PCDH15: variants seen among roughly 807,000 people sequenced by gnomAD.
PCDH15 encodes protocadherin related 15, also known as protocadherin-15.
A neutral mutation model predicts 178.5 loss-of-function variants in PCDH15; 129 were observed. That is an observed-to-expected ratio of 0.72 (90% CI 0.63 to 0.84). PCDH15 has a LOEUF of 0.84. Ranked by LOEUF, PCDH15 falls within the 40% of genes least tolerant of loss-of-function variation. The pLI, the probability that PCDH15 is intolerant of heterozygous loss-of-function variation, is 0.00. For missense variants in PCDH15, 2,230 were observed against 2,099.9 expected, an observed-to-expected ratio of 1.06 and a Z score of -1.21; for synonymous variants, 800 against 732.0, an observed-to-expected ratio of 1.09 and a Z score of -1.50.
chr10:54,423,737 G>A (rs1478808689), intron 3 of PCDH15, among the ~76,000 whole-genome samples: 2 of 151,854 alleles, frequency 1.3e-5, no homozygotes, highest in Non-Finnish European at 2.9e-5. Context: ...TGGGAAAAAA[G>A]TTTGAGAGAC....
intron 1 of PCDH15, among the ~76,000 whole-genome samples, chr10:55,233,085 A>G (rs1022435658): frequency 1.3e-5 from 2 of 152,036 alleles, no homozygotes; most frequent in African/African-American, 4.8e-5. Context: ...AATTTTCTTT[A>G]CATTAAAATG....
chr10:54,317,975 C>T (rs2061381881), intron 7 of PCDH15, among the ~76,000 whole-genome samples: 1 of 152,174 alleles, frequency 6.6e-6, no homozygotes, highest in Non-Finnish European at 1.5e-5. Flanking sequence ...CTTTACCTAA[C>T]AGTTCACATT....
chr10:55,246,642 C>T (rs2044319), intron 1 of PCDH15, among the ~76,000 whole-genome samples: 7 of 151,996 alleles, frequency 4.6e-5, no homozygotes, highest in South Asian at 2.1e-4. Context: ...CAACAAGGTA[C>T]GCAAGCCACT....
At chr10:54,527,492 T>C (rs988597857) in intron 3 of PCDH15, among the ~76,000 whole-genome samples, 1 of 152,144 alleles carries the variant, frequency 6.6e-6, no homozygotes, top group African/African-American at 2.4e-5. Flanking sequence ...ATACGTTGTG[T>C]TTCTGTTAGA....
rs779268739 is a variant in PCDH15 at position 54,079,366 on chromosome 10, G to A, written c.2056C>T (p.Leu686=). The part of the protein sequence containing the change: ...LDRESTDRYI[L]IITASDGRPD... ...CTGCCATCTGAAGCTGTGATGATCAGAATGTAGCGATCAGTGCTTTCCCTG... is the reference window on the plus strand; with the variant it reads ...CTGCCATCTGAAGCTGTGATGATCAAAATGTAGCGATCAGTGCTTTCCCTG... Residue 686 remains leucine (L), a synonymous_variant, in exon 17 of 38, where the codon CTG becomes TTG. Transcript: ENST00000644397. The A allele has an allele frequency of 2.5e-6, 4 of 1,614,106 alleles. No homozygotes were observed. Among genetic ancestry groups the A allele is most frequent in the Non-Finnish European group, 2.5e-6 (3 of 1,179,976 alleles).
chr10:54,912,912 C>T (rs960858993), intron 2 of PCDH15, among the ~76,000 whole-genome samples: 1 of 152,054 alleles, frequency 6.6e-6, no homozygotes, highest in Admixed American at 6.6e-5. Context: ...TCTCTCTTAC[C>T]AGGCTTAGAA....
chr10:55,491,627 G>A (rs1589077630), intron 2 of PCDH15, among the ~76,000 whole-genome samples: 1 of 150,758 alleles, frequency 6.6e-6, no homozygotes, highest in African/African-American at 2.4e-5. Context: ...AGCCTGAGAG[G>A]GCTGCTTCTA....
intron 2 of PCDH15, among the ~76,000 whole-genome samples, chr10:55,523,832 G>C (rs2132168140): frequency 1.3e-5 from 2 of 151,568 alleles, no homozygotes; most frequent in African/African-American, 2.4e-5. Flanking sequence ...ATGCTCAATT[G>C]CATTTTTTCC....
At chr10:54,272,402 T>A (rs1175071773) in intron 8 of PCDH15, among the ~76,000 whole-genome samples, 1 of 152,086 alleles carries the variant, frequency 6.6e-6, no homozygotes, top group Non-Finnish European at 1.5e-5. Flanking sequence ...CAGCTATTTG[T>A]AGTCTAAATT....
At chr10:54,097,482 C>G (rs1306940374) in intron 15 of PCDH15, among the ~76,000 whole-genome samples, 1 of 152,168 alleles carries the variant, frequency 6.6e-6, no homozygotes, top group Admixed American at 6.5e-5. Flanking sequence ...TAATCACTAT[C>G]AAATTGTATT....
intron 2 of PCDH15, among the ~76,000 whole-genome samples, chr10:55,092,640 A>T (rs1267563360): frequency 5.9e-5 from 9 of 151,944 alleles, no homozygotes. Context: ...TGACTTGAGA[A>T]GAAAACAAAT....
At chr10:54,310,939 T>C (rs2060864669) in intron 8 of PCDH15, among the ~76,000 whole-genome samples, 1 of 152,092 alleles carries the variant, frequency 6.6e-6, no homozygotes, top group Non-Finnish European at 1.5e-5. Flanking sequence ...CAGACTGTAA[T>C]ATATTTAATG....
chr10:55,268,026 G>A (rs1414587957), intron 1 of PCDH15, among the ~76,000 whole-genome samples: 3 of 152,126 alleles, frequency 2.0e-5, no homozygotes, highest in South Asian at 2.1e-4. Flanking sequence ...GCTAGCTTGC[G>A]TATTGTTGTC....
chr10:54,073,923 C>T (rs2135893137), intron 17 of PCDH15, among the ~76,000 whole-genome samples: 1 of 152,272 alleles, frequency 6.6e-6, no homozygotes, highest in East Asian at 1.9e-4. Flanking sequence ...ACTGTTGCTA[C>T]TTACAGATAA....
At chr10:55,308,454 C>T (rs934781413) in intron 1 of PCDH15, among the ~76,000 whole-genome samples, 4 of 152,108 alleles carry the variant, frequency 2.6e-5, no homozygotes, top group South Asian at 2.1e-4. Flanking sequence ...AGATGGTCCA[C>T]GAAGAGCATG....
chr10:54,234,059 G>A (rs2054353197), intron 9 of PCDH15, among the ~76,000 whole-genome samples: 1 of 151,558 alleles, frequency 6.6e-6, no homozygotes, highest in Non-Finnish European at 1.5e-5. Context: ...ATATTCAGAA[G>A]TATTTGTATG....
intron 6 of PCDH15, among the ~76,000 whole-genome samples, chr10:54,332,389 T>C (rs894192338): frequency 1.4e-5 from 1 of 70,404 alleles, no homozygotes; most frequent in African/African-American, 5.8e-5. Flanking sequence ...ATATATATAG[T>C]AAATTTTCTG....
chr10:54,057,875 C>G (rs1489232837), intron 18 of PCDH15, among the ~76,000 whole-genome samples: 4 of 152,136 alleles, frequency 2.6e-5, no homozygotes, highest in Non-Finnish European at 5.9e-5. Context: ...CTTTCAAGTT[C>G]AAAGTTACAC....
At chr10:55,484,694 C>A (rs982292415) in intron 2 of PCDH15, among the ~76,000 whole-genome samples, 2 of 151,624 alleles carry the variant, frequency 1.3e-5, no homozygotes, top group Admixed American at 1.3e-4. Flanking sequence ...AAAACAGACA[C>A]CAGAGAAACA....
Sources: allele counts gnomAD v4.1 joint callset (sites outside exome capture counted in the v4.1 genomes callset), GRCh38; gene constraint gnomAD v4.1.1; transcripts MANE v1.5; gene names NCBI Gene and HGNC (gene_info 2026-07-23, HGNC 2026-07-21).